Variants in ATAD2 observed in about 807,000 individuals in gnomAD.
ATAD2 encodes ATPase family AAA domain-containing protein 2.
ATAD2 carries 62 observed loss-of-function variants against 168.9 expected under a neutral mutation model. That is an observed-to-expected ratio of 0.37 (90% CI 0.30 to 0.45). The LOEUF is 0.45. ATAD2 is among the 20% of genes least tolerant of loss of function. ATAD2 has a pLI of 1.00. For missense variants in ATAD2, 1,419 were observed against 1,667.8 expected (o/e 0.85, Z 2.60); for synonymous variants, 613 against 571.6 (o/e 1.07, Z -1.03).
At chr8:123,375,498 C>T (rs1829281942) in intron 2 of ATAD2, among the ~76,000 whole-genome samples, 2 of 152,178 alleles carry the variant, frequency 1.3e-5, no homozygotes, top group South Asian at 4.1e-4. Context: ...TTTGACTCAG[C>T]AATTCCACTG....
At chr8:123,346,313 C>G (rs770325228) in intron 17 of ATAD2, 41 bp from the exon 18 acceptor site, 2 of 1,494,224 alleles carry the variant, frequency 1.3e-6, no homozygotes, top group Admixed American at 4.8e-5. Context: ...TTAGAAAAAA[C>G]AGTTTAAATT....
At chr8:123,349,581 G>T (rs1242182475) in intron 13 of ATAD2, 137 bp from the exon 14 acceptor site, 1 of 763,242 alleles carries the variant, frequency 1.3e-6, no homozygotes, top group African/African-American at 1.8e-5. Context: ...ATTTCCAATG[G>T]ATTAAAAAAA....
intron 1 of ATAD2, among the ~76,000 whole-genome samples, chr8:123,404,104 A>C (rs1271179299): frequency 1.3e-5 from 2 of 152,210 alleles, no homozygotes; most frequent in Non-Finnish European, 2.9e-5. Context: ...TTCAAGATGT[A>C]GTATATTCAT....
Position 123,370,968 on chromosome 8 carries a change from C to T in ATAD2, c.662G>A (p.Arg221Lys). 3.8e-6 allele frequency: 6 copies of T among 1,599,486 alleles called. No homozygotes were observed. The highest frequency in any genetic ancestry group is 5.1e-6 in the Non-Finnish European group (6 of 1,171,264). The stretch of plus-strand genomic sequence containing the variant: ...TCTTTGAATATCTTTCTGTTTTCCT[C>T]TTGTGTACATATTAAGATTGCTCTA... ...TEESNLNMYTRGKQKDIQRTD... is the reference protein window; with the variant it reads ...TEESNLNMYTKGKQKDIQRTD... Residue 221 changes from arginine (R) to lysine (K), a missense_variant, in exon 6 of 28, where the codon AGA (arginine) becomes AAA (lysine). This residue lies in a region of ATAD2 where 419 missense variants were observed against 423.5 expected (regional missense o/e 0.99). Transcript: ENST00000287394.
chr8:123,348,347 A>C (rs1828322193), intron 14 of ATAD2, 74 bp from the exon 15 acceptor site: 3 of 1,176,302 alleles, frequency 2.6e-6, no homozygotes, highest in Admixed American at 5.9e-5. Context: ...ATTTTGATTA[A>C]AATACTTTTG....
At chr8:123,400,685 T>C (rs1812984391), upstream of ATAD2, 1 of 737,138 alleles carries the variant, frequency 1.4e-6, no homozygotes, top group Non-Finnish European at 2.5e-6. This position sits in a 1 kb window ranked among gnomAD's most constrained non-coding sequence, Gnocchi z 4.5. Context: ...GAGTTCCTGA[T>C]TCTCCCAGGA....
rs573642299 is a variant in ATAD2, at chr8:123,343,332, A to ATACTCT, written c.2718+1546_2718+1551dup. ...GCCTATTTAACACTGTAACCTACCC[A>ATACTCT]TACTCTTTTGGTACCCCTTAGCTAA... is the stretch of plus-strand genomic sequence containing the variant. On this transcript the variant is annotated intron_variant, in intron 19 of 27. Transcript: ENST00000287394. Among the ~76,000 whole-genome samples the ATACTCT allele has an allele frequency of 1.7e-3, 266 of 152,114 alleles. 1 individual carries two copies. Among genetic ancestry groups the ATACTCT allele is most frequent in the African/African-American group, 6.0e-3 (249 of 41,492 alleles).
intron 19 of ATAD2, among the ~76,000 whole-genome samples, chr8:123,340,529 C>T (rs1482417490): frequency 6.6e-6 from 1 of 152,170 alleles, no homozygotes; most frequent in African/African-American, 2.4e-5. Context: ...ATCATAGCAG[C>T]TTTATTCACA....
At chr8:123,357,439 A>G in intron 12 of ATAD2, 123 bp downstream of exon 12, 1 of 962,972 alleles carries the variant, frequency 1.0e-6, no homozygotes, top group Non-Finnish European at 1.4e-6. Context: ...TAATCTAGAA[A>G]GAAATAGTCT....
intron 13 of ATAD2, among the ~76,000 whole-genome samples, chr8:123,351,949 C>T (rs1368640367): frequency 1.3e-5 from 2 of 152,008 alleles, no homozygotes; most frequent in Admixed American, 6.6e-5. Context: ...GGGGTTTCAC[C>T]GTGTTAGCCA....
intron 7 of ATAD2, 142 bp from the exon 8 acceptor site, chr8:123,369,317 A>T: frequency 4.1e-6 from 1 of 246,606 alleles, no homozygotes; most frequent in Non-Finnish European, 7.2e-6. Flanking sequence ...AATATCTACT[A>T]TGGAATATTT....
intron 15 of ATAD2, among the ~76,000 whole-genome samples, chr8:123,347,632 C>G (rs1179133781): frequency 6.6e-6 from 1 of 152,092 alleles, no homozygotes; most frequent in African/African-American, 2.4e-5. Flanking sequence ...TACACAAGCA[C>G]TAAGTATAGC....
intron 26 of ATAD2, among the ~76,000 whole-genome samples, chr8:123,324,630 G>A (rs1046996894): frequency 1.3e-5 from 2 of 152,158 alleles, no homozygotes; most frequent in African/African-American, 2.4e-5. Flanking sequence ...GAAAAACCCT[G>A]AGGAGCTTAC....
At chr8:123,378,866 A>G (rs563955355) in intron 2 of ATAD2, among the ~76,000 whole-genome samples, 19 of 151,392 alleles carry the variant, frequency 1.3e-4, no homozygotes, top group Non-Finnish European at 2.4e-4. Flanking sequence ...ATTATAGCTC[A>G]CTGCAGCCTT....
At chr8:123,392,905 C>T (rs1179753367) in intron 1 of ATAD2, among the ~76,000 whole-genome samples, 1 of 152,192 alleles carries the variant, frequency 6.6e-6, no homozygotes, top group Admixed American at 6.5e-5. Context: ...ACTGCATTTG[C>T]TGGGCGCGGT....
upstream of ATAD2, chr8:123,401,319 T>C: frequency 2.2e-6 from 3 of 1,354,588 alleles, no homozygotes; most frequent in Non-Finnish European, 3.2e-6. Flanking sequence ...GTGGGGCAGC[T>C]GTGGGCACCT....
At chr8:123,325,847 A>G in intron 26 of ATAD2, 46 bp downstream of exon 26, 2 of 1,599,280 alleles carry the variant, frequency 1.3e-6, no homozygotes, top group Non-Finnish European at 8.5e-7. Flanking sequence ...GTGTTTGGGG[A>G]TTAGTAATCT....
chr8:123,335,254 G>A (rs936269098), intron 22 of ATAD2, among the ~76,000 whole-genome samples: 5 of 152,138 alleles, frequency 3.3e-5, no homozygotes, highest in Non-Finnish European at 7.4e-5. Flanking sequence ...TGCCTCCAGG[G>A]TACCTCGTTT....
chr8:123,372,956 G>A (rs1452485690), intron 2 of ATAD2, among the ~76,000 whole-genome samples: 2 of 150,310 alleles, frequency 1.3e-5, no homozygotes, highest in South Asian at 2.1e-4. Context: ...GCAGTGGCGC[G>A]ATCTCGGCTC....
Sources: gnomAD v4.1 joint callset for allele counts (sites outside exome capture counted in the v4.1 genomes callset) on GRCh38, gnomAD v4.1.1 for gene constraint, gnomAD v4.1.1 regional missense constraint, Gnocchi (gnomAD v3.1) non-coding constraint, MANE v1.5 for transcripts, NCBI Gene and HGNC (gene_info 2026-07-23, HGNC 2026-07-21) for gene names.